The following TES variants were observed in gnomAD, a reference collection of about 807,000 sequenced individuals.
The protein encoded by TES is testin.
TES carries 41 observed loss-of-function variants against 48.2 expected under a neutral mutation model. That is an observed-to-expected ratio of 0.85 (90% CI 0.66 to 1.10). TES has a LOEUF of 1.10. Among genes scored for constraint, TES ranks in the 50% least tolerant of loss-of-function variants. The pLI is 0.00. For synonymous variants in TES, 162 were observed against 174.9 expected, an observed-to-expected ratio of 0.93 and a Z score of 0.58; for missense variants, 463 against 515.1, an observed-to-expected ratio of 0.90 and a Z score of 0.98.
intron 1 of TES, among the ~76,000 whole-genome samples, chr7:116,227,088 T>TTTTATTTA (rs10562977): frequency 1.1e-3 from 151 of 140,240 alleles, no homozygotes; most frequent in Middle Eastern, 3.6e-3. Context: ...ACACTTTTTA[T>TTTTATTTA]TTTATTTATT....
intron 6 of TES, among the ~76,000 whole-genome samples, 164 bp from the exon 7 acceptor site, chr7:116,257,130 A>G (rs1255078268): frequency 6.6e-6 from 1 of 152,180 alleles, no homozygotes; most frequent in Non-Finnish European, 1.5e-5. Context: ...ACCTCCATTA[A>G]CAGTTGGCCA....
rs768043007 is a variant in TES, at chr7:116,252,345, G to A, written c.946G>A (p.Ala316Thr). The A allele has an allele frequency of 4.3e-6, 7 of 1,613,166 alleles. No individual in the cohort carries two copies. In the Admixed American group the frequency reaches 1.2e-4, roughly 27 times the overall value. ...GATATTCAGCAATGAGTATACCCAG[G>A]CAGAAAACCAGAATTGGCACCTGAA... ...ELIFSNEYTQ[A>T]ENQNWHLKHF... Residue 316 changes from alanine to threonine, a missense_variant, in exon 6 of 7, where the codon GCA (alanine) becomes ACA (threonine). Coordinates refer to ENST00000358204, the MANE Select transcript of TES (RefSeq NM_015641.4).
intron 1 of TES, among the ~76,000 whole-genome samples, chr7:116,218,293 C>G (rs975543583): frequency 3.5e-5 from 3 of 85,386 alleles, no homozygotes; most frequent in Non-Finnish European, 7.0e-5. Flanking sequence ...ATCTGAGCAG[C>G]GAGCCCAGCA....
intron 2 of TES, among the ~76,000 whole-genome samples, chr7:116,244,196 C>G (rs375085770): frequency 6.6e-5 from 10 of 152,320 alleles, no homozygotes; most frequent in African/African-American, 2.4e-4. Context: ...GCCCTTCCAA[C>G]AGTCCCCCAA....
intron 1 of TES, among the ~76,000 whole-genome samples, chr7:116,214,603 A>G (rs1237386077): frequency 6.6e-6 from 1 of 152,206 alleles, no homozygotes; most frequent in Admixed American, 6.5e-5. Context: ...GATTCATTAC[A>G]TTGGTAGAAT....
chr7:116,254,764 G>A lies in TES; in HGVS notation c.1077+2288G>A, dbSNP rs987311025. ...TCAAAAAAAATATATATATATGTGT[G>A]TGTGTGTGTGTGTGTGTGTGTGTGT... On this transcript the variant is annotated intron_variant, in intron 6 of 6. Coordinates refer to ENST00000358204, the MANE Select transcript of TES (RefSeq NM_015641.4). 1.5e-3 allele frequency among the ~76,000 whole-genome samples: 193 copies of A among 132,918 alleles called. 1 individual carries two copies. Among genetic ancestry groups the A allele is most frequent in the African/African-American group, 6.4e-3 (179 of 27,924 alleles). 87.2% of individuals were successfully genotyped at this position (132,918 alleles called of 152,430 possible). A position where few individuals can be genotyped will look rare whatever the true frequency, so the allele number is the denominator to read the frequency against.
chr7:116,247,523 ATGGTACAATTGAAGATGTCTAT>A, intron 2 of TES, among the ~76,000 whole-genome samples: 1 of 151,914 alleles, frequency 6.6e-6, no homozygotes, highest in South Asian at 2.1e-4. Context: ...TTTTTTTTTA[ATGGTACAATTGAAGATGTCTAT>A]TATTGGGGCC....
intron 1 of TES, among the ~76,000 whole-genome samples, chr7:116,221,788 G>A (rs886533646): frequency 6.6e-6 from 1 of 152,102 alleles, no homozygotes; most frequent in African/African-American, 2.4e-5. Context: ...TGATTTTTGT[G>A]CTTGTTGTTC....
At chr7:116,247,615 A>C (rs2116621574) in intron 2 of TES, among the ~76,000 whole-genome samples, 1 of 152,288 alleles carries the variant, frequency 6.6e-6, no homozygotes, top group Admixed American at 6.5e-5. Flanking sequence ...ATAAAAATCA[A>C]ATGAATAATT....
chr7:116,217,595 A>G (rs1318572427), intron 1 of TES, among the ~76,000 whole-genome samples: 1 of 152,176 alleles, frequency 6.6e-6, no homozygotes, highest in Non-Finnish European at 1.5e-5. Flanking sequence ...TAATTATGAA[A>G]TCAACTTTTT....
At chr7:116,223,053 T>TA in intron 1 of TES, 2 of 936,130 alleles carry the variant, frequency 2.1e-6, no homozygotes, top group Non-Finnish European at 2.5e-6. Context: ...ACTTCCTTCA[T>TA]ACAGTAGTAT....
intron 1 of TES, chr7:116,223,038 A>G: frequency 1.0e-6 from 1 of 975,904 alleles, no homozygotes; most frequent in Non-Finnish European, 1.2e-6. Context: ...TAAGCATTTC[A>G]AATGACTTCC....
chr7:116,241,152 CACA>C (rs1459262160), intron 2 of TES, among the ~76,000 whole-genome samples: 2 of 152,302 alleles, frequency 1.3e-5, no homozygotes, highest in East Asian at 3.9e-4. Flanking sequence ...TCTCCAATTC[CACA>C]ACAAGGTTTT....
intron 1 of TES, among the ~76,000 whole-genome samples, chr7:116,233,140 C>G (rs1389544090): frequency 1.3e-5 from 2 of 152,222 alleles, no homozygotes; most frequent in Non-Finnish European, 2.9e-5. Flanking sequence ...TGAACTGCTA[C>G]TCTAGGCACT....
intron 1 of TES, among the ~76,000 whole-genome samples, chr7:116,223,450 A>G (rs1402537174): frequency 1.3e-5 from 2 of 152,170 alleles, no homozygotes; most frequent in Non-Finnish European, 2.9e-5. Context: ...TTTAAGGATG[A>G]CTGTGGCATA....
chr7:116,235,500 A>C (rs1032910445), intron 2 of TES, among the ~76,000 whole-genome samples: 2 of 152,222 alleles, frequency 1.3e-5, no homozygotes, highest in Admixed American at 1.3e-4. Context: ...GCATATATAC[A>C]CAAGACAATG....
chr7:116,258,085 A>G lies in TES; in HGVS notation c.*603A>G, dbSNP rs1800130787. 6.6e-6 allele frequency: 1 copy of G among 151,858 alleles called. No individual in the cohort carries two copies. Among genetic ancestry groups the G allele is most frequent in the African/African-American group, 2.4e-5 (1 of 41,322 alleles). 9.4% of individuals were successfully genotyped at this position (151,858 alleles called of 1,614,324 possible). A position where few individuals can be genotyped will look rare whatever the true frequency, so the allele number is the denominator to read the frequency against. Reference sequence around the variant, plus strand: ...TTGCATTTCTCTATTTTTTTAATGTACCCTACCTTCAGTATTCTCTTTGTA... The same window carrying G: ...TTGCATTTCTCTATTTTTTTAATGTGCCCTACCTTCAGTATTCTCTTTGTA... On this transcript the variant is annotated 3_prime_UTR_variant, in exon 7 of 7. Coordinates refer to ENST00000358204, the MANE Select transcript of TES (RefSeq NM_015641.4).
intron 1 of TES, among the ~76,000 whole-genome samples, chr7:116,224,105 A>G (rs1022474484): frequency 6.6e-6 from 1 of 152,208 alleles, no homozygotes; most frequent in Non-Finnish European, 1.5e-5. Flanking sequence ...AGAACCAGCT[A>G]CCATGTCCTG....
At chr7:116,236,373 T>G (rs972484723) in intron 2 of TES, among the ~76,000 whole-genome samples, 4 of 152,212 alleles carry the variant, frequency 2.6e-5, no homozygotes, top group African/African-American at 9.6e-5. Flanking sequence ...CAAAAATGCA[T>G]TCAAACCTTT....
Sources: gnomAD v4.1 joint callset for allele counts (sites outside exome capture counted in the v4.1 genomes callset) on GRCh38, gnomAD v4.1.1 for gene constraint, MANE v1.5 for transcripts, NCBI Gene and HGNC (gene_info 2026-07-23, HGNC 2026-07-21) for gene names.